The following MSRB3 variants were observed in gnomAD, a reference collection of about 807,000 sequenced individuals.
MSRB3 encodes the protein methionine sulfoxide reductase B3.
Under a neutral mutation model 21.0 loss-of-function variants are expected in MSRB3, and 13 were observed. The observed-to-expected ratio is 0.62, with a 90% confidence interval of 0.40 to 0.98. The LOEUF (loss-of-function observed/expected upper bound fraction) is 0.98, where lower values mean the gene tolerates loss of function less well. MSRB3 is among the 50% of genes least tolerant of loss of function. MSRB3 has a pLI of 0.00. For missense variants in MSRB3, 199 were observed against 230.3 expected, an observed-to-expected ratio of 0.86 and a Z score of 0.88; for synonymous variants, 87 against 88.6, an observed-to-expected ratio of 0.98 and a Z score of 0.10.
At chr12:65,417,691 G>A (rs1185121859) in intron 5 of MSRB3, among the ~76,000 whole-genome samples, 2 of 152,106 alleles carry the variant, frequency 1.3e-5, no homozygotes, top group Non-Finnish European at 2.9e-5. Flanking sequence ...GTTTTTGTGA[G>A]TTGAAATTTA....
At chr12:65,292,936 A>G (rs1384934460) in intron 1 of MSRB3, among the ~76,000 whole-genome samples, 1 of 152,190 alleles carries the variant, frequency 6.6e-6, no homozygotes, top group African/African-American at 2.4e-5. Flanking sequence ...AACTAAAGCC[A>G]TGGAATAAAT....
intron 5 of MSRB3, among the ~76,000 whole-genome samples, chr12:65,409,188 A>G (rs1880585802): frequency 6.6e-6 from 1 of 151,648 alleles, no homozygotes; most frequent in South Asian, 2.1e-4. Flanking sequence ...TTGTGTGTGT[A>G]TATACACACA....
intron 5 of MSRB3, among the ~76,000 whole-genome samples, chr12:65,434,212 C>G (rs1160786158): frequency 1.3e-5 from 2 of 151,832 alleles, no homozygotes; most frequent in Non-Finnish European, 2.9e-5. Context: ...CATTTCATTT[C>G]AAGTTCTTGA....
intron 5 of MSRB3, among the ~76,000 whole-genome samples, chr12:65,407,508 A>G (rs1291495283): frequency 2.0e-5 from 3 of 152,136 alleles, no homozygotes; most frequent in Non-Finnish European, 2.9e-5. Flanking sequence ...CTGCAATTTG[A>G]ATACGATATT....
chr12:65,315,592 C>A (rs1157148326), intron 2 of MSRB3, among the ~76,000 whole-genome samples: 1 of 148,982 alleles, frequency 6.7e-6, no homozygotes, highest in Non-Finnish European at 1.5e-5. Context: ...CGCTTAAGCC[C>A]AGGAGGCAGA....
chr12:65,363,701 T>G (rs1481472484), intron 4 of MSRB3, among the ~76,000 whole-genome samples: 1 of 151,810 alleles, frequency 6.6e-6, no homozygotes, highest in Admixed American at 6.6e-5. Context: ...AATAACAGCT[T>G]GGGGCCGGGC....
chr12:65,281,348 T>C (rs559474646), intron 1 of MSRB3, among the ~76,000 whole-genome samples: 18 of 152,360 alleles, frequency 1.2e-4, no homozygotes, highest in Admixed American at 1.1e-3. Flanking sequence ...ATGTCTCTTC[T>C]AACTCCAAGA....
intron 1 of MSRB3, among the ~76,000 whole-genome samples, chr12:65,291,128 C>T (rs1216158343): frequency 6.6e-6 from 1 of 151,912 alleles, no homozygotes; most frequent in Non-Finnish European, 1.5e-5. Flanking sequence ...TCTTGTCACC[C>T]AGGCTGGAGT....
intron 1 of MSRB3, among the ~76,000 whole-genome samples, chr12:65,304,850 G>C (rs553484090): frequency 2.6e-5 from 4 of 152,300 alleles, no homozygotes; most frequent in African/African-American, 7.2e-5. Flanking sequence ...CTGTTAGTTT[G>C]TTTGGTCCTC....
At chr12:65,319,998 A>G (rs927239479) in intron 2 of MSRB3, among the ~76,000 whole-genome samples, 1 of 152,156 alleles carries the variant, frequency 6.6e-6, no homozygotes, top group Admixed American at 6.6e-5. Context: ...ACTATGCAGC[A>G]CTAAAACATA....
chr12:65,326,389 A>C (rs1192268444), intron 2 of MSRB3, among the ~76,000 whole-genome samples: 3 of 152,192 alleles, frequency 2.0e-5, no homozygotes, highest in Non-Finnish European at 4.4e-5. Flanking sequence ...TGATGGTTTC[A>C]GGCTATTCTA....
At chr12:65,342,044 T>G (rs566763205) in intron 4 of MSRB3, among the ~76,000 whole-genome samples, 1 of 152,024 alleles carries the variant, frequency 6.6e-6, no homozygotes, top group Non-Finnish European at 1.5e-5. Context: ...ACAATACAAG[T>G]TCTAGGGGAA....
intron 2 of MSRB3, chr12:65,308,894 A>G (rs1565825251): frequency 1.7e-6 from 1 of 577,608 alleles, no homozygotes; most frequent in East Asian, 3.0e-5. Context: ...TGTCACTAAT[A>G]TTTCATATCT....
intron 1 of MSRB3, 184 bp downstream of exon 1, chr12:65,279,049 G>T (rs1871837757): frequency 1.4e-6 from 2 of 1,425,262 alleles, no homozygotes; most frequent in Non-Finnish European, 1.8e-6. Flanking sequence ...CCGCGCCAGC[G>T]GTGAGGGGCC....
chr12:65,412,207 A>G (rs1182639339), intron 5 of MSRB3, among the ~76,000 whole-genome samples: 2 of 152,094 alleles, frequency 1.3e-5, no homozygotes, highest in African/African-American at 2.4e-5. Flanking sequence ...AACAAGAGCC[A>G]TCTTATTAGA....
At chr12:65,387,688 A>G (rs1470116552) in intron 5 of MSRB3, among the ~76,000 whole-genome samples, 7 of 152,146 alleles carry the variant, frequency 4.6e-5, no homozygotes, top group Non-Finnish European at 8.8e-5. Flanking sequence ...CATTTGTAAA[A>G]CAATATTTAT....
At chr12:65,406,911 G>A (rs1402527813) in intron 5 of MSRB3, among the ~76,000 whole-genome samples, 1 of 152,150 alleles carries the variant, frequency 6.6e-6, no homozygotes, top group Non-Finnish European at 1.5e-5. Context: ...GCACTATCTT[G>A]GAAGCAGAGA....
intron 4 of MSRB3, among the ~76,000 whole-genome samples, chr12:65,351,261 C>T (rs1362514580): frequency 1.3e-5 from 2 of 149,998 alleles, no homozygotes; most frequent in Non-Finnish European, 2.9e-5. Context: ...TCTTTGAAAC[C>T]AACGAGAACA....
chr12:65,398,994 GT>G (rs1565873447), intron 5 of MSRB3, among the ~76,000 whole-genome samples: 1 of 152,126 alleles, frequency 6.6e-6, no homozygotes, highest in East Asian at 1.9e-4. Context: ...GTACCATGCT[GT>G]TTTGGTTACT....
Sources: allele counts gnomAD v4.1 joint callset (sites outside exome capture counted in the v4.1 genomes callset), GRCh38; gene constraint gnomAD v4.1.1; transcripts MANE v1.5; gene names NCBI Gene and HGNC (gene_info 2026-07-23, HGNC 2026-07-21).